NRXN3: variants seen among roughly 807,000 people sequenced by gnomAD.
NRXN3 encodes the protein neurexin 3.
NRXN3 carries 32 observed loss-of-function variants against 137.6 expected under a neutral mutation model. The ratio of observed to expected loss-of-function variants is 0.23; its 90% confidence interval spans 0.18 to 0.31. The LOEUF (loss-of-function observed/expected upper bound fraction) is 0.31, where lower values mean the gene tolerates loss of function less well. Ranked by LOEUF, NRXN3 falls within the 10% of genes least tolerant of loss-of-function variation. The pLI is 1.00. For missense variants in NRXN3, 1,574 were observed against 2,062.5 expected (o/e 0.76, Z 4.59); for synonymous variants, 798 against 784.5 (o/e 1.02, Z -0.29).
chr14:79,414,786 C>T (rs1419665888), intron 15 of NRXN3, among the ~76,000 whole-genome samples: 1 of 151,960 alleles, frequency 6.6e-6, no homozygotes, highest in Non-Finnish European at 1.5e-5. Context: ...CTGTAGTCTC[C>T]ATACTCTATA....
intron 8 of NRXN3, among the ~76,000 whole-genome samples, chr14:78,716,913 T>C (rs529543891): frequency 1.3e-5 from 2 of 152,298 alleles, no homozygotes; most frequent in African/African-American, 4.8e-5. Context: ...AATACTCATC[T>C]GGGACAGGAA....
intron 7 of NRXN3, among the ~76,000 whole-genome samples, chr14:78,712,513 A>G (rs2098413964): frequency 6.6e-6 from 1 of 152,040 alleles, no homozygotes; most frequent in Non-Finnish European, 1.5e-5. Context: ...CTATGCTTCT[A>G]CTCTTGTGTT....
At chr14:79,793,169 A>G (rs963283782) in intron 19 of NRXN3, among the ~76,000 whole-genome samples, 6 of 151,988 alleles carry the variant, frequency 3.9e-5, no homozygotes. Flanking sequence ...CGGTGGCTCA[A>G]GCCTGTAATC....
At chr14:78,860,399 T>A (rs1191988620) in intron 10 of NRXN3, among the ~76,000 whole-genome samples, 1 of 152,088 alleles carries the variant, frequency 6.6e-6, no homozygotes, top group East Asian at 1.9e-4. Context: ...ATATAAACCT[T>A]AACTCCAGGA....
chr14:78,457,366 T>C (rs2094774899), intron 4 of NRXN3, among the ~76,000 whole-genome samples: 1 of 152,030 alleles, frequency 6.6e-6, no homozygotes, highest in Non-Finnish European at 1.5e-5. Flanking sequence ...TGTGATGTGG[T>C]GTGGGAGTAC....
At chr14:79,843,030 C>A (rs1180521000) in intron 20 of NRXN3, among the ~76,000 whole-genome samples, 1 of 152,146 alleles carries the variant, frequency 6.6e-6, no homozygotes, top group Non-Finnish European at 1.5e-5. Flanking sequence ...TAAAACCCTG[C>A]AAGTTATGTA....
chr14:79,133,451 T>G (rs376778724), intron 15 of NRXN3, among the ~76,000 whole-genome samples: 2 of 152,192 alleles, frequency 1.3e-5, no homozygotes, highest in African/African-American at 4.8e-5. Flanking sequence ...ACTTTATTCT[T>G]ATCTATGAAA....
intron 15 of NRXN3, among the ~76,000 whole-genome samples, chr14:79,042,497 C>T (rs1396444206): frequency 6.6e-6 from 1 of 152,154 alleles, no homozygotes; most frequent in African/African-American, 2.4e-5. Context: ...ATTTGAATTC[C>T]ATTTTGTCTG....
chr14:79,341,007 C>G (rs548351503), intron 15 of NRXN3, among the ~76,000 whole-genome samples: 2 of 152,016 alleles, frequency 1.3e-5, no homozygotes, highest in African/African-American at 4.8e-5. Flanking sequence ...ATGAGAATTG[C>G]GCTAATGCAA....
At chr14:79,504,785 A>T (rs1269594795) in intron 16 of NRXN3, among the ~76,000 whole-genome samples, 1 of 151,536 alleles carries the variant, frequency 6.6e-6, no homozygotes, top group African/African-American at 2.4e-5. Flanking sequence ...TATGAAACCC[A>T]CTTCTCCCTT....
At chr14:78,373,628 A>G (rs1052689149) in intron 4 of NRXN3, among the ~76,000 whole-genome samples, 12 of 152,130 alleles carry the variant, frequency 7.9e-5, no homozygotes, top group African/African-American at 1.7e-4. Flanking sequence ...TCCTTCCTCA[A>G]TGTGGTGATC....
At chr14:78,410,587 G>C (rs2092768466) in intron 4 of NRXN3, among the ~76,000 whole-genome samples, 1 of 152,164 alleles carries the variant, frequency 6.6e-6, no homozygotes, top group Non-Finnish European at 1.5e-5. Flanking sequence ...GTGTTGGTTG[G>C]GTATCAGCAT....
At chr14:79,860,181 TG>T (rs2099411384) in intron 20 of NRXN3, among the ~76,000 whole-genome samples, 1 of 152,190 alleles carries the variant, frequency 6.6e-6, no homozygotes, top group Non-Finnish European at 1.5e-5. Flanking sequence ...GATATGTTTT[TG>T]CCACACTAGT....
rs1555599207 is a variant in NRXN3 at position 79,648,215 on chromosome 14, A to ACC, written c.3445-15562_3445-15561insCC. ...AAACAAACAAACAAACAAACAAAAAACAGAAAACTTGATGATAAATGTCAA... is the reference window on the plus strand; with the variant it reads ...AAACAAACAAACAAACAAACAAAAAACCCAGAAAACTTGATGATAAATGTCAA... On this transcript the variant is annotated intron_variant, in intron 16 of 20. Coordinates refer to ENST00000335750, the MANE Select transcript of NRXN3 (RefSeq NM_001330195.2). Among the ~76,000 whole-genome samples the ACC allele has an allele frequency of 5.0e-4, 65 of 128,992 alleles. 17 individuals carry two copies. The highest frequency in any genetic ancestry group is 8.5e-4 in the Non-Finnish European group (47 of 55,584). The allele number at this position is 128,992 out of a possible 152,430, so 84.6% of individuals were successfully genotyped here.
intron 10 of NRXN3, among the ~76,000 whole-genome samples, chr14:78,901,283 A>G (rs1024913389): frequency 2.0e-5 from 3 of 151,640 alleles, no homozygotes; most frequent in African/African-American, 7.3e-5. Flanking sequence ...TGGACCATTT[A>G]AATTGTCTTT....
intron 15 of NRXN3, among the ~76,000 whole-genome samples, chr14:79,006,553 T>C (rs550868221): frequency 5.4e-4 from 82 of 151,894 alleles, no homozygotes; most frequent in African/African-American, 1.9e-3. Flanking sequence ...ATTTGATTAT[T>C]ATTCCTTTAT....
intron 15 of NRXN3, among the ~76,000 whole-genome samples, chr14:79,178,055 C>A (rs921308091): frequency 3.3e-5 from 5 of 152,166 alleles, no homozygotes; most frequent in Admixed American, 3.3e-4. Context: ...GAGAGAGGTG[C>A]TCCATTGGTA....
chr14:78,272,524 T>G (rs1406527914), intron 2 of NRXN3, among the ~76,000 whole-genome samples: 1 of 152,210 alleles, frequency 6.6e-6, no homozygotes, highest in Non-Finnish European at 1.5e-5. Context: ...AGGAACAGAA[T>G]GGGCCCCTCT....
chr14:78,396,113 A>G (rs1165617412), intron 4 of NRXN3, among the ~76,000 whole-genome samples: 1 of 151,280 alleles, frequency 6.6e-6, no homozygotes, highest in Non-Finnish European at 1.5e-5. Flanking sequence ...TGATTTATCT[A>G]TGGTATTTTG....
Sources: allele counts gnomAD v4.1 joint callset (sites outside exome capture counted in the v4.1 genomes callset), GRCh38; gene constraint gnomAD v4.1.1; transcripts MANE v1.5; gene names NCBI Gene and HGNC (gene_info 2026-07-23, HGNC 2026-07-21).